The following OTUB1 variants were observed in gnomAD, a reference collection of about 807,000 sequenced individuals.
The protein encoded by OTUB1 is OTU deubiquitinase, ubiquitin aldehyde binding 1.
OTUB1 carries 10 observed loss-of-function variants against 35.8 expected under a neutral mutation model. That is an observed-to-expected ratio of 0.28 (90% CI 0.17 to 0.47). OTUB1 has a LOEUF of 0.47. Ranked by LOEUF, OTUB1 falls within the 20% of genes least tolerant of loss-of-function variation. The pLI is 0.99. For missense variants in OTUB1, 264 were observed against 351.6 expected, an observed-to-expected ratio of 0.75 and a Z score of 1.99; for synonymous variants, 158 against 143.8, an observed-to-expected ratio of 1.10 and a Z score of -0.71.
In OTUB1 at chr11:63,996,554, A is replaced by G; in HGVS notation, c.244A>G (p.Ile82Val). The stretch of plus-strand genomic sequence containing the variant: ...GGACCTCCACAAAAAGTACTCGTAC[A>G]TCCGCAAGACCAGGCCTGACGGCAA... ...IKDLHKKYSY[I>V]RKTRPDGNCF... is the part of the protein sequence containing the mutation. Residue 82 changes from isoleucine (I) to valine (V), a missense_variant, in exon 4 of 7, where the codon ATC becomes GTC. This residue lies in a region of OTUB1 where 214 missense variants were observed against 317.1 expected (regional missense o/e 0.67). Transcript: ENST00000538426. 6.2e-7 allele frequency: 1 copy of G among 1,614,226 alleles called. No individual in the cohort carries two copies. Among genetic ancestry groups the G allele is most frequent in the East Asian group, 2.2e-5 (1 of 44,880 alleles).
At chr11:63,996,804 T>C (rs761419130) in intron 4 of OTUB1, 53 bp from the exon 5 acceptor site, 17 of 1,612,042 alleles carry the variant, frequency 1.1e-5, no homozygotes, top group African/African-American at 1.3e-5. Flanking sequence ...GGCCCTGGCG[T>C]CTGGGCTGGT....
chr11:63,996,150 G>A lies in OTUB1; in HGVS notation c.220-380G>A, dbSNP rs562763909. On this transcript the variant is annotated intron_variant, in intron 3 of 6. Transcript: ENST00000538426. ...AGGGCCCCAGCCACCTGGTTGAGGC[G>A]TGGAGGCCAGCACTCCACCCTGGCC... is the stretch of plus-strand genomic sequence containing the variant. Among the ~76,000 whole-genome samples, 9 of 152,248 alleles carry A rather than the reference G, an allele frequency of 5.9e-5. No individual in the cohort carries two copies. In the East Asian group the frequency reaches 9.7e-4, roughly 16 times the overall value.
chr11:63,986,899 G>C (rs1371743070), intron 1 of OTUB1: 1 of 204,370 alleles, frequency 4.9e-6, no homozygotes, highest in African/African-American at 2.3e-5. Flanking sequence ...CTGCTCCAGC[G>C]GCGGCCCGCG....
intron 1 of OTUB1, 53 bp downstream of exon 1, chr11:63,986,567 C>A: frequency 6.8e-7 from 1 of 1,472,812 alleles, no homozygotes; most frequent in Non-Finnish European, 9.2e-7. Flanking sequence ...CGATGCCGGG[C>A]CAGCTGCTCC....
intron 1 of OTUB1, among the ~76,000 whole-genome samples, chr11:63,988,057 C>A (rs968377565): frequency 1.3e-4 from 20 of 152,138 alleles, no homozygotes; most frequent in African/African-American, 4.3e-4. Flanking sequence ...GGCGGATCAC[C>A]TGAGGTCAGG....
At chr11:63,988,779 A>T in intron 3 of OTUB1, 27 bp downstream of exon 3, 1 of 1,496,840 alleles carries the variant, frequency 6.7e-7, no homozygotes, top group Non-Finnish European at 9.3e-7. Context: ...AGCGGGTGGG[A>T]AGCACCCTGG....
intron 3 of OTUB1, among the ~76,000 whole-genome samples, chr11:63,996,149 C>T (rs946039769): frequency 2.6e-5 from 4 of 152,168 alleles, no homozygotes; most frequent in African/African-American, 7.2e-5. Context: ...CTGGTTGAGG[C>T]GTGGAGGCCA....
Position 63,986,474 on chromosome 11 carries a change from T to G in OTUB1, c.18T>G (p.Pro6=). 6.4e-7 allele frequency: 1 copy of G among 1,555,270 alleles called. No homozygotes were observed. Among genetic ancestry groups the G allele is most frequent in the Non-Finnish European group, 8.7e-7 (1 of 1,149,730 alleles). ...GTTTAAAGATGGCGGCGGAGGAACCTCAGCAGCAGAAGCAGGAGCCGCTGG... is the reference window on the plus strand; with the variant it reads ...GTTTAAAGATGGCGGCGGAGGAACCGCAGCAGCAGAAGCAGGAGCCGCTGG... MAAEE[P]QQQKQEPLGS... The change falls in exon 1 of 7, where the codon CCT becomes CCG. Residue 6 remains proline, a synonymous_variant. Coordinates refer to ENST00000538426, the MANE Select transcript of OTUB1 (RefSeq NM_017670.3).
At chr11:63,995,501 T>C (rs1942708667) in intron 3 of OTUB1, among the ~76,000 whole-genome samples, 1 of 151,880 alleles carries the variant, frequency 6.6e-6, no homozygotes, top group Non-Finnish European at 1.5e-5. Flanking sequence ...CAGCCACTTA[T>C]TTTTTTTAGA....
rs1335208630 is a variant in OTUB1 at position 63,987,934 on chromosome 11, C to A, written c.59-403C>A. On this transcript the variant is annotated intron_variant, in intron 1 of 6. Transcript: ENST00000538426. Reference sequence around the variant, plus strand: ...AGGGATACCACGGTGCACCTCTGCCCCTTCATTTTAAAGATGAGGAAATGA... The same window carrying A: ...AGGGATACCACGGTGCACCTCTGCCACTTCATTTTAAAGATGAGGAAATGA... Among the ~76,000 whole-genome samples the A allele has an allele frequency of 2.6e-5, 4 of 152,096 alleles. No individual in the cohort carries two copies. The East Asian group carries it at 7.7e-4, about 29-fold the overall frequency.
intron 1 of OTUB1, 200 bp downstream of exon 1, chr11:63,986,714 G>C (rs902708107): frequency 1.8e-6 from 1 of 553,224 alleles, no homozygotes. Flanking sequence ...GAGGGAGCAC[G>C]GGCGAGGCGG....
chr11:63,990,952 C>T (rs1344974257), intron 3 of OTUB1, among the ~76,000 whole-genome samples: 1 of 152,204 alleles, frequency 6.6e-6, no homozygotes, highest in East Asian at 1.9e-4. Context: ...CAGTTGGCAG[C>T]TAATTCAAAT....
At position 63,986,496 on chromosome 11, in the gene OTUB1, C is replaced by G. The variant is rs763940050; in HGVS notation, c.40C>G (p.Leu14Val). The change falls in exon 1 of 7, where the codon CTG (leucine) becomes GTG (valine). Residue 14 changes from leucine to valine, a missense_variant. Around this residue, in one of 2 missense-constraint regions of OTUB1, gnomAD observed 50 missense variants for 34.5 expected, o/e 1.45. Coordinates refer to ENST00000538426, the MANE Select transcript of OTUB1 (RefSeq NM_017670.3). ...ACCTCAGCAGCAGAAGCAGGAGCCG[C>G]TGGGCAGCGACTCCGAAGGTACAGA... ...EEPQQQKQEP[L>V]GSDSEGVNCL... The G allele has an allele frequency of 6.4e-7, 1 of 1,552,834 alleles. No homozygotes were observed.
chr11:63,997,256 C>G lies in OTUB1; in HGVS notation c.618+12C>G. On this transcript the variant is annotated intron_variant, in intron 6 of 6. Transcript: ENST00000538426. ...AGTTCTGCCAGCAGGTGCCGTCCCC[C>G]TCCCCTTTACTCTCGGCCGGGGGAG... 6.2e-7 allele frequency: 1 copy of G among 1,611,978 alleles called. No individual in the cohort carries two copies. The highest frequency in any genetic ancestry group is 8.5e-7 in the Non-Finnish European group (1 of 1,178,288).
At chr11:63,996,446 TGTGACCTTTGCTGG>T (rs1942717420) in intron 3 of OTUB1, 70 bp from the exon 4 acceptor site, 10 of 1,469,262 alleles carry the variant, frequency 6.8e-6, no homozygotes, top group Non-Finnish European at 9.4e-6. Flanking sequence ...ACCTTTGGAG[TGTGACCTTTGCTGG>T]GGGACATTTC....
At chr11:63,988,797 GC>G (rs1188070387) in intron 3 of OTUB1, 45 bp downstream of exon 3, 1 of 1,252,004 alleles carries the variant, frequency 8.0e-7, no homozygotes, top group Non-Finnish European at 1.2e-6. Context: ...TGGGGGTGGG[GC>G]AGGAGGGTGC....
At chr11:63,990,467 A>G (rs1180976378) in intron 3 of OTUB1, 2 of 151,944 alleles carry the variant, frequency 1.3e-5, no homozygotes, top group East Asian at 3.9e-4. Flanking sequence ...GTGTGGTAGC[A>G]CATGTCTATA....
At position 63,996,909 on chromosome 11, in the gene OTUB1, A is replaced by G. The variant is rs1359965689; in HGVS notation, c.391A>G (p.Thr131Ala). ...GGAAGACCTGGTGTCCCAGGGCTTC[A>G]CTGAATTCACAATTGAGGATTTCCA... The part of the protein sequence containing the change: ...SKEDLVSQGF[T>A]EFTIEDFHNT... The change falls in exon 5 of 7, where the codon ACT (threonine) becomes GCT (alanine). Residue 131 changes from threonine to alanine, a missense_variant. Physicochemically the swap from Thr to Ala is moderately conservative, Grantham distance 58. Around this residue, in one of 2 missense-constraint regions of OTUB1, gnomAD observed 214 missense variants for 317.1 expected, o/e 0.67. Coordinates refer to ENST00000538426, the MANE Select transcript of OTUB1 (RefSeq NM_017670.3). The G allele has an allele frequency of 1.9e-6, 3 of 1,614,112 alleles. No individual in the cohort carries two copies. Among genetic ancestry groups the G allele is most frequent in the Non-Finnish European group, 2.5e-6 (3 of 1,179,964 alleles).
At chr11:63,988,838 G>T in intron 3 of OTUB1, 86 bp downstream of exon 3, 1 of 822,252 alleles carries the variant, frequency 1.2e-6, no homozygotes, top group Non-Finnish European at 2.1e-6. Flanking sequence ...TGCTGGGTCT[G>T]TCACCTGAGG....
Sources: gnomAD v4.1 joint callset for allele counts (sites outside exome capture counted in the v4.1 genomes callset) on GRCh38, gnomAD v4.1.1 for gene constraint, gnomAD v4.1.1 regional missense constraint, MANE v1.5 for transcripts, NCBI Gene and HGNC (gene_info 2026-07-23, HGNC 2026-07-21) for gene names.